The following RHOBTB3 variants were observed in gnomAD, a reference collection of about 807,000 sequenced individuals.
RHOBTB3 encodes the protein Rho related BTB domain containing 3.
A neutral mutation model predicts 67.2 loss-of-function variants in RHOBTB3; 47 were observed. That is an observed-to-expected ratio of 0.70 (90% CI 0.55 to 0.89). RHOBTB3 has a LOEUF of 0.89. RHOBTB3 is among the 40% of genes least tolerant of loss of function. The probability of loss-of-function intolerance (pLI) is 0.00; values close to 1 mark genes in which losing one functional copy is unlikely to be tolerated. For synonymous variants in RHOBTB3, 273 were observed against 274.2 expected, an observed-to-expected ratio of 1.00 and a Z score of 0.04; for missense variants, 631 against 750.0, an observed-to-expected ratio of 0.84 and a Z score of 1.85.
At chr5:95,776,494 A>G (rs1009915531) in intron 8 of RHOBTB3, among the ~76,000 whole-genome samples, 4 of 152,206 alleles carry the variant, frequency 2.6e-5, no homozygotes, top group African/African-American at 9.6e-5. Context: ...TCACGCAATA[A>G]TAATAAATTT....
intron 2 of RHOBTB3, among the ~76,000 whole-genome samples, chr5:95,735,350 A>G (rs897348716): frequency 1.3e-5 from 2 of 150,862 alleles, no homozygotes; most frequent in Non-Finnish European, 2.9e-5. Context: ...AAAATTCTGC[A>G]GTTCTTGTTA....
At chr5:95,749,822 C>T (rs1745037716) in intron 4 of RHOBTB3, among the ~76,000 whole-genome samples, 1 of 152,176 alleles carries the variant, frequency 6.6e-6, no homozygotes, top group South Asian at 2.1e-4. Context: ...TCCTTGCTCC[C>T]TGTTCTAGGA....
intron 2 of RHOBTB3, among the ~76,000 whole-genome samples, chr5:95,733,586 A>G (rs1755369285): frequency 6.6e-6 from 1 of 152,188 alleles, no homozygotes. Context: ...ATAAACCTCT[A>G]TAGTACGGAT....
intron 8 of RHOBTB3, chr5:95,770,831 T>G (rs150805740): frequency 1.8e-4 from 30 of 168,246 alleles, no homozygotes; most frequent in African/African-American, 6.7e-4. Flanking sequence ...GGTGATGTTT[T>G]TAAAAAATCA....
Position 95,793,130 on chromosome 5 carries a change from A to G in RHOBTB3, c.1792A>G (p.Arg598Gly), listed in dbSNP as rs1746466725. 2 of 1,613,296 alleles carry G rather than the reference A, an allele frequency of 1.2e-6. No individual in the cohort carries two copies. Among genetic ancestry groups the G allele is most frequent in the Non-Finnish European group, 1.7e-6 (2 of 1,179,698 alleles). ...NMYLKQLAEY[R>G]KYIHSRKCRC... Reference sequence around the variant, plus strand: ...GTACTTGAAGCAGCTTGCGGAATACAGGAAGTATATTCACTCCCGGAAATG... The same window carrying G: ...GTACTTGAAGCAGCTTGCGGAATACGGGAAGTATATTCACTCCCGGAAATG... Residue 598 changes from arginine (R) to glycine (G), a missense_variant, in exon 12 of 12, where the codon AGG becomes GGG. Coordinates refer to ENST00000379982, the MANE Select transcript of RHOBTB3 (RefSeq NM_014899.4).
At chr5:95,755,270 T>G (rs1459432910) in intron 5 of RHOBTB3, 126 bp from the exon 6 acceptor site, 11 of 664,952 alleles carry the variant, frequency 1.7e-5, no homozygotes, top group Non-Finnish European at 2.3e-5. Context: ...AAATATTGGC[T>G]GTTTCTTATG....
chr5:95,769,780 C>T (rs1745653741), intron 8 of RHOBTB3: 2 of 191,890 alleles, frequency 1.0e-5, no homozygotes, highest in Non-Finnish European at 1.1e-5. Context: ...TTGAGTGAAA[C>T]AGAAATGTCT....
upstream of RHOBTB3, among the ~76,000 whole-genome samples, chr5:95,729,376 C>T (rs1447883121): frequency 6.6e-6 from 1 of 152,084 alleles, no homozygotes; most frequent in African/African-American, 2.4e-5. Context: ...TATTGAGTAA[C>T]TAAGGAAAAA....
chr5:95,745,035 T>G (rs547472795), intron 3 of RHOBTB3, among the ~76,000 whole-genome samples: 1 of 151,312 alleles, frequency 6.6e-6, no homozygotes, highest in African/African-American at 2.4e-5. Flanking sequence ...ATCATGCCAC[T>G]GCACTCCAGC....
chr5:95,733,422 A>G (rs1472224167), intron 2 of RHOBTB3, among the ~76,000 whole-genome samples: 1 of 152,228 alleles, frequency 6.6e-6, no homozygotes, highest in African/African-American at 2.4e-5. Flanking sequence ...ATGTAGGGAA[A>G]ATAAAACTAG....
intron 5 of RHOBTB3, among the ~76,000 whole-genome samples, chr5:95,754,989 T>G (rs969788772): frequency 6.6e-6 from 1 of 152,224 alleles, no homozygotes; most frequent in Non-Finnish European, 1.5e-5. Context: ...AAATCAAAGG[T>G]AAAAGTAAAG....
chr5:95,791,459 C>A (rs564217879), intron 11 of RHOBTB3, among the ~76,000 whole-genome samples: 1 of 152,180 alleles, frequency 6.6e-6, no homozygotes, highest in Admixed American at 6.5e-5. Context: ...GAGCTCATCT[C>A]TAATAACTTT....
At position 95,736,995 on chromosome 5, in the gene RHOBTB3, A is replaced by C. The variant is rs775574971; in HGVS notation, c.335A>C (p.Lys112Thr). 2 of 1,606,914 alleles carry C rather than the reference A, an allele frequency of 1.2e-6. No individual in the cohort carries two copies. Among genetic ancestry groups the C allele is most frequent in the Non-Finnish European group, 1.7e-6 (2 of 1,173,710 alleles). ...GACAAGTTTTCATTCCATGAAGTAA[A>C]GGATAATTATATTCCAGTGATAAAA... Reference protein sequence around the residue: ...VNDKFSFHEVKDNYIPVIKRA... With the variant: ...VNDKFSFHEVTDNYIPVIKRA... The change falls in exon 3 of 12, where the codon AAG (lysine) becomes ACG (threonine). Residue 112 changes from lysine (K) to threonine (T), a missense_variant. Transcript: ENST00000379982.
At position 95,780,264 on chromosome 5, in the gene RHOBTB3, C is replaced by G; in HGVS notation, c.1295C>G (p.Pro432Arg). 6.2e-7 allele frequency: 1 copy of G among 1,613,856 alleles called. No homozygotes were observed. The highest frequency in any genetic ancestry group is 1.1e-5 in the South Asian group (1 of 91,068). ...VVFEIQGTTVPAHRAILVARC... is the reference protein window; with the variant it reads ...VVFEIQGTTVRAHRAILVARC... ...TTGAACCTTTCAGGTACGACAGTGC[C>G]AGCCCACAGGGCCATCCTGGTGGCC... The change falls in exon 9 of 12, where the codon CCA becomes CGA. Residue 432 changes from proline to arginine, a missense_variant. Physicochemically the swap from Pro to Arg is moderately radical, Grantham distance 103 (BLOSUM62 -2). Coordinates refer to ENST00000379982, the MANE Select transcript of RHOBTB3 (RefSeq NM_014899.4).
At chr5:95,778,821 G>A (rs1200534217) in intron 8 of RHOBTB3, among the ~76,000 whole-genome samples, 2 of 152,188 alleles carry the variant, frequency 1.3e-5, no homozygotes, top group Admixed American at 6.5e-5. Context: ...GGTCCTTCCC[G>A]GTGGAGGGAC....
intron 6 of RHOBTB3, among the ~76,000 whole-genome samples, chr5:95,761,250 G>A (rs1745384466): frequency 6.6e-6 from 1 of 151,698 alleles, no homozygotes; most frequent in Non-Finnish European, 1.5e-5. Flanking sequence ...TTGGATGAGT[G>A]CAGACATAAA....
At chr5:95,775,170 A>G (rs1426672829) in intron 8 of RHOBTB3, among the ~76,000 whole-genome samples, 1 of 152,112 alleles carries the variant, frequency 6.6e-6, no homozygotes, top group Middle Eastern at 3.2e-3. Flanking sequence ...TCTCTCATGT[A>G]TCCTATTTTA....
intron 7 of RHOBTB3, 57 bp from the exon 8 acceptor site, chr5:95,767,989 A>G (rs2112814168): frequency 6.5e-7 from 1 of 1,538,080 alleles, no homozygotes; most frequent in Middle Eastern, 1.7e-4. Context: ...AGCCTAGCCT[A>G]TATGTTATCA....
At chr5:95,730,296 A>C (rs1334428454), upstream of RHOBTB3, among the ~76,000 whole-genome samples, 1 of 152,222 alleles carries the variant, frequency 6.6e-6, no homozygotes, top group Non-Finnish European at 1.5e-5. Context: ...CAGAAGGGAA[A>C]AATAAACAGA....
Sources: allele counts gnomAD v4.1 joint callset (sites outside exome capture counted in the v4.1 genomes callset), GRCh38; gene constraint gnomAD v4.1.1; transcripts MANE v1.5; gene names NCBI Gene and HGNC (gene_info 2026-07-23, HGNC 2026-07-21).